COL6A5: variants seen among roughly 807,000 people sequenced by gnomAD.
The protein encoded by COL6A5 is collagen alpha-5(VI) chain.
In COL6A5, 48 loss-of-function variants were observed where a neutral mutation model predicts 65.6. The observed-to-expected ratio is 0.73, with a 90% CI of 0.58 to 0.93. The LOEUF is 0.93. Ranked by LOEUF, COL6A5 falls within the 40% of genes least tolerant of loss-of-function variation. The pLI, the probability that COL6A5 is intolerant of heterozygous loss-of-function variation, is 0.00. For missense variants in COL6A5, 914 were observed against 928.3 expected (o/e 0.98, Z 0.20); for synonymous variants, 291 against 322.8 (o/e 0.90, Z 1.05).
chr3:130,455,475 A>T (rs566663386), exon 5 of COL6A5: 1 of 1,611,630 alleles, frequency 6.2e-7, no homozygotes, highest in South Asian at 1.1e-5. Flanking sequence ...GAGCTACAAG[A>T]GGATTTTTTG....
chr3:130,413,071 A>G (rs1340412194), intron 20 of COL6A5, among the ~76,000 whole-genome samples: 1 of 152,080 alleles, frequency 6.6e-6, no homozygotes, highest in Non-Finnish European at 1.5e-5. Context: ...GTTTAGGGAT[A>G]AGGAAGTTAG....
At chr3:130,467,191 G>C (rs904963517) in intron 5 of COL6A5, among the ~76,000 whole-genome samples, 4 of 151,916 alleles carry the variant, frequency 2.6e-5, no homozygotes, top group Non-Finnish European at 5.9e-5. Flanking sequence ...AATGTGTAAT[G>C]ATCAAATCTG....
At position 130,415,716 on chromosome 3, in the gene COL6A5, C is replaced by T. The variant is rs1325465811; in HGVS notation, c.4824+9C>T. ...GGCAGAAAGGACCTCAGGTGAGTGA[C>T]TCGGAGACATTAGGCTCAATGACTC... On this transcript the variant is annotated intron_variant and NMD_transcript_variant, in intron 23 of 41. Coordinates refer to the COL6A5 transcript ENST00000312481. The T allele has an allele frequency of 1.1e-5, 17 of 1,544,874 alleles. 1 individual carries two copies. Among genetic ancestry groups the T allele is most frequent in the South Asian group, 2.4e-5 (2 of 82,956 alleles).
At chr3:130,376,818 G>A (rs551636493) in exon 3 of COL6A5, 34 of 1,612,028 alleles carry the variant, frequency 2.1e-5, no homozygotes, top group African/African-American at 1.2e-4. Context: ...GGAGGGAGCC[G>A]TCGATGCTGA....
chr3:130,457,680 C>G (rs184715631), intron 5 of COL6A5, among the ~76,000 whole-genome samples: 126 of 152,144 alleles, frequency 8.3e-4, no homozygotes, highest in African/African-American at 3.0e-3. Context: ...ATTTTTTAAT[C>G]CTTTAAAATA....
At chr3:130,370,061 C>T (rs1176037265) in intron 1 of COL6A5, among the ~76,000 whole-genome samples, 1 of 152,086 alleles carries the variant, frequency 6.6e-6, no homozygotes, top group Non-Finnish European at 1.5e-5. Context: ...TCCAAAATGG[C>T]CAATTAATTC....
At chr3:130,373,170 G>A (rs1372950718) in intron 1 of COL6A5, among the ~76,000 whole-genome samples, 1 of 152,182 alleles carries the variant, frequency 6.6e-6, no homozygotes, top group Non-Finnish European at 1.5e-5. Flanking sequence ...GTAGAGAATA[G>A]TGACTACATA....
exon 3 of COL6A5, chr3:130,440,188 C>G: frequency 6.2e-7 from 1 of 1,611,634 alleles, no homozygotes; most frequent in Non-Finnish European, 8.5e-7. Context: ...CAAATGCTTG[C>G]ATTCGAGAGG....
intron 1 of COL6A5, among the ~76,000 whole-genome samples, chr3:130,367,210 C>T (rs1426798274): frequency 1.3e-5 from 2 of 152,154 alleles, no homozygotes; most frequent in Non-Finnish European, 2.9e-5. Flanking sequence ...AATCCAGTTT[C>T]CTCTGATAAA....
intron 4 of COL6A5, among the ~76,000 whole-genome samples, chr3:130,447,328 G>A (rs567593695): frequency 3.6e-4 from 55 of 152,148 alleles, no homozygotes; most frequent in Non-Finnish European, 7.1e-4. Context: ...AGCATTAGCA[G>A]TTAGGCCTCT....
At chr3:130,429,693 C>A, upstream of COL6A5, 2 of 838,744 alleles carry the variant, frequency 2.4e-6, no homozygotes, top group South Asian at 1.9e-5. Flanking sequence ...CTTCTTCCTT[C>A]TATGCAGACA....
chr3:130,406,125 T>C lies in COL6A5; in HGVS notation c.4381-6T>C. On this transcript the variant is annotated splice_polypyrimidine_tract_variant and splice_region_variant and intron_variant and NMD_transcript_variant, in intron 15 of 41. Transcript: ENST00000312481. ...TACCTGATGCCTGTCTATTGTCATC[T>C]CTCAGGGAGGTCATGGAGACGATGG... is the stretch of plus-strand genomic sequence containing the variant. 6.5e-7 allele frequency: 1 copy of C among 1,550,022 alleles called. No homozygotes were observed.
chr3:130,385,047 T>C, exon 5 of COL6A5: 1 of 1,550,894 alleles, frequency 6.4e-7, no homozygotes, highest in Non-Finnish European at 8.7e-7. Flanking sequence ...ATTAAGCAAC[T>C]AACTGGTGGA....
intron 1 of COL6A5, among the ~76,000 whole-genome samples, chr3:130,360,051 C>T (rs1935056425): frequency 6.6e-6 from 1 of 151,852 alleles, no homozygotes; most frequent in South Asian, 2.1e-4. Flanking sequence ...TACCAAATAA[C>T]CAATATTTAT....
At chr3:130,412,337 A>G (rs1937202103) in intron 20 of COL6A5, among the ~76,000 whole-genome samples, 2 of 152,256 alleles carry the variant, frequency 1.3e-5, no homozygotes, top group East Asian at 3.9e-4. Flanking sequence ...CACAAGAACT[A>G]CTAAGTGGCA....
chr3:130,399,515 A>C (rs548307248), intron 10 of COL6A5, among the ~76,000 whole-genome samples: 1 of 150,596 alleles, frequency 6.6e-6, no homozygotes, highest in Non-Finnish European at 1.5e-5. Context: ...GGACTACAGG[A>C]GCCTGCCACC....
At chr3:130,480,204 T>G (rs1305419998) in intron 7 of COL6A5, among the ~76,000 whole-genome samples, 1 of 152,010 alleles carries the variant, frequency 6.6e-6, no homozygotes, top group Non-Finnish European at 1.5e-5. Flanking sequence ...ACTATCCATT[T>G]TATTAATAAA....
chr3:130,393,119 C>G (rs1187207062), intron 7 of COL6A5, among the ~76,000 whole-genome samples: 1 of 150,896 alleles, frequency 6.6e-6, no homozygotes, highest in Non-Finnish European at 1.5e-5. Context: ...TTGGAGGCCT[C>G]CCTGTGCCCT....
intron 5 of COL6A5, among the ~76,000 whole-genome samples, chr3:130,468,306 C>T (rs1270877366): frequency 6.6e-6 from 1 of 151,996 alleles, no homozygotes; most frequent in Non-Finnish European, 1.5e-5. Flanking sequence ...TTTATACTTG[C>T]TCTCATGACA....
Sources: gnomAD v4.1 joint callset for allele counts (sites outside exome capture counted in the v4.1 genomes callset) on GRCh38, gnomAD v4.1.1 for gene constraint, MANE v1.5 for transcripts, NCBI Gene and HGNC (gene_info 2026-07-23, HGNC 2026-07-21) for gene names.